OSBPL1A: variants seen among roughly 807,000 people sequenced by gnomAD.
The protein encoded by OSBPL1A is oxysterol binding protein like 1A.
In OSBPL1A, 80 loss-of-function variants were observed where a neutral mutation model predicts 137.1. That is an observed-to-expected ratio of 0.58 (90% CI 0.49 to 0.70). The LOEUF is 0.70. Ranked by LOEUF, OSBPL1A falls within the 30% of genes least tolerant of loss-of-function variation. The pLI, the probability that OSBPL1A is intolerant of heterozygous loss-of-function variation, is 0.00. For synonymous variants in OSBPL1A, 365 were observed against 389.7 expected, an observed-to-expected ratio of 0.94 and a Z score of 0.75; for missense variants, 970 against 1,129.4, an observed-to-expected ratio of 0.86 and a Z score of 2.02.
chr18:24,334,203 A>C, intron 6 of OSBPL1A, 42 bp downstream of exon 6: 1 of 1,544,180 alleles, frequency 6.5e-7, no homozygotes, highest in Non-Finnish European at 8.8e-7. Flanking sequence ...AGTGTAAAGA[A>C]AGACTGCTTT....
Position 24,348,075 on chromosome 18 carries a change from G to A in OSBPL1A, c.283-6417C>T, listed in dbSNP as rs187108417. Among the ~76,000 whole-genome samples the A allele has an allele frequency of 3.3e-5, 5 of 152,078 alleles. 1 individual carries two copies. Among genetic ancestry groups the A allele is most frequent in the Admixed American group, 3.3e-4 (5 of 15,248 alleles). ...GCTACCAAAAGATGGTTACCTGAAAGGGTAAGTTTGAATCCAATGCCCATA... is the reference window on the plus strand; with the variant it reads ...GCTACCAAAAGATGGTTACCTGAAAAGGTAAGTTTGAATCCAATGCCCATA... On this transcript the variant is annotated intron_variant, in intron 4 of 27. Coordinates refer to ENST00000319481, the MANE Select transcript of OSBPL1A (RefSeq NM_080597.4).
At chr18:24,258,220 G>C (rs1339632186) in intron 15 of OSBPL1A, among the ~76,000 whole-genome samples, 10 of 152,092 alleles carry the variant, frequency 6.6e-5, no homozygotes, top group Admixed American at 6.5e-4. Context: ...AGCAACCTAC[G>C]TGTCCATCAA....
intron 6 of OSBPL1A, 74 bp from the exon 7 acceptor site, chr18:24,333,160 G>GT: frequency 6.6e-7 from 1 of 1,515,966 alleles, no homozygotes; most frequent in South Asian, 1.2e-5. Flanking sequence ...ACAGGAGGGT[G>GT]TATCAGCAGA....
At chr18:24,239,462 G>A in intron 15 of OSBPL1A, 80 bp from the exon 16 acceptor site, 1 of 1,327,862 alleles carries the variant, frequency 7.5e-7, no homozygotes, top group South Asian at 1.3e-5. Context: ...AAAATTAATT[G>A]CTTTTGATCC....
At chr18:24,373,930 T>C (rs1477000347) in intron 2 of OSBPL1A, among the ~76,000 whole-genome samples, 2 of 151,972 alleles carry the variant, frequency 1.3e-5, no homozygotes, top group Non-Finnish European at 2.9e-5. Flanking sequence ...GAGGTGAAAA[T>C]TGAAAAAAAT....
intron 15 of OSBPL1A, among the ~76,000 whole-genome samples, chr18:24,239,727 CA>C (rs979637194): frequency 9.9e-5 from 15 of 151,920 alleles, no homozygotes; most frequent in African/African-American, 3.6e-4. Flanking sequence ...ATTAAGTACA[CA>C]GTTAAAAAAA....
At chr18:24,236,707 A>C (rs1244364460) in intron 16 of OSBPL1A, among the ~76,000 whole-genome samples, 1 of 152,182 alleles carries the variant, frequency 6.6e-6, no homozygotes, top group Non-Finnish European at 1.5e-5. Context: ...TGATGAGCCT[A>C]GGCGTTTGGA....
intron 21 of OSBPL1A, 143 bp from the exon 22 acceptor site, chr18:24,172,626 G>T (rs2086318364): frequency 5.5e-6 from 3 of 544,904 alleles, no homozygotes; most frequent in South Asian, 3.1e-5. Context: ...AAATTCTATT[G>T]ATGTTAACTC....
intron 17 of OSBPL1A, among the ~76,000 whole-genome samples, chr18:24,206,046 G>A (rs150824418): frequency 2.4e-4 from 37 of 152,116 alleles, no homozygotes; most frequent in Non-Finnish European, 2.6e-4. Flanking sequence ...ATGTGCCACC[G>A]TGCCCGGCTA....
chr18:24,269,189 T>C (rs1205646588), intron 15 of OSBPL1A, among the ~76,000 whole-genome samples: 1 of 152,226 alleles, frequency 6.6e-6, no homozygotes, highest in Non-Finnish European at 1.5e-5. Flanking sequence ...TGTGCTCCTC[T>C]CTAATCCTTC....
chr18:24,263,098 T>C lies in OSBPL1A; in HGVS notation c.1281+17744A>G, dbSNP rs891851029. Among the ~76,000 whole-genome samples, 7 of 152,292 alleles carry C rather than the reference T, an allele frequency of 4.6e-5. No homozygotes were observed. The South Asian group carries it at 8.3e-4, about 18-fold the overall frequency. On this transcript the variant is annotated intron_variant, in intron 15 of 27. Coordinates refer to ENST00000319481, the MANE Select transcript of OSBPL1A (RefSeq NM_080597.4). The stretch of plus-strand genomic sequence containing the variant: ...AACATTGTTAGGCCCAGAAGGACAA[T>C]CACTTTGCTTTTTTAGAATTTTGAT...
chr18:24,300,520 T>A (rs560289507), intron 14 of OSBPL1A, among the ~76,000 whole-genome samples: 2 of 152,330 alleles, frequency 1.3e-5, no homozygotes, highest in East Asian at 3.9e-4. Context: ...AGGCTTCTGA[T>A]TCAACTACCC....
chr18:24,208,870 C>T (rs1330580499), intron 17 of OSBPL1A, among the ~76,000 whole-genome samples: 2 of 152,304 alleles, frequency 1.3e-5, no homozygotes, highest in African/African-American at 2.4e-5. Flanking sequence ...TGTTGCATCA[C>T]TGAATTTCTG....
intron 15 of OSBPL1A, among the ~76,000 whole-genome samples, chr18:24,255,426 T>C (rs747595252): frequency 2.0e-5 from 3 of 152,194 alleles, no homozygotes; most frequent in Non-Finnish European, 4.4e-5. Flanking sequence ...TGGGAACTGC[T>C]TAGGGCCAGC....
Position 24,271,675 on chromosome 18 carries a change from A to G in OSBPL1A, c.1281+9167T>C, listed in dbSNP as rs1467977475. 4 of 985,666 alleles carry G rather than the reference A, an allele frequency of 4.1e-6. No individual in the cohort carries two copies. The African/African-American group carries it at 7.0e-5, about 17-fold the overall frequency. The allele number at this position is 985,666 out of a possible 1,614,324, so 61.1% of individuals were successfully genotyped here. ...CGCGCTCCACCCTGCGCTCCTCGCA[A>G]GCTCCAGCGCGAATGCGCTCGGCCT... On this transcript the variant is annotated intron_variant, in intron 15 of 27. Coordinates refer to ENST00000319481, the MANE Select transcript of OSBPL1A (RefSeq NM_080597.4). This position sits in a 1 kb window ranked among gnomAD's most constrained non-coding sequence, Gnocchi z 4.0.
At chr18:24,252,412 G>A (rs2089123064) in intron 15 of OSBPL1A, among the ~76,000 whole-genome samples, 1 of 151,994 alleles carries the variant, frequency 6.6e-6, no homozygotes, top group Admixed American at 6.6e-5. Flanking sequence ...AGAAGAGAGT[G>A]GTGTGATATA....
At chr18:24,228,124 C>T (rs1209425025) in intron 16 of OSBPL1A, among the ~76,000 whole-genome samples, 1 of 152,146 alleles carries the variant, frequency 6.6e-6, no homozygotes, top group African/African-American at 2.4e-5. Context: ...ATCAGTCACA[C>T]TGAGAACCCC....
chr18:24,291,092 A>G (rs2090167437), intron 14 of OSBPL1A, among the ~76,000 whole-genome samples: 1 of 152,162 alleles, frequency 6.6e-6, no homozygotes, highest in Non-Finnish European at 1.5e-5. Context: ...AAACACAACA[A>G]ACAAAAAAAC....
rs567679964 is a variant in OSBPL1A, at chr18:24,310,702, C to G, written c.1092+1282G>C. 1.2e-4 allele frequency among the ~76,000 whole-genome samples: 18 copies of G among 146,582 alleles called. No individual in the cohort carries two copies. The South Asian group carries it at 3.9e-3, about 31-fold the overall frequency. On this transcript the variant is annotated intron_variant, in intron 13 of 27. Coordinates refer to ENST00000319481, the MANE Select transcript of OSBPL1A (RefSeq NM_080597.4). ...TTTACCTGTAACTTCCATTTAAAAA[C>G]TTTTAAAATTATCATAATCCTAGGA...
Sources: gnomAD v4.1 joint callset for allele counts (sites outside exome capture counted in the v4.1 genomes callset) on GRCh38, gnomAD v4.1.1 for gene constraint, Gnocchi (gnomAD v3.1) non-coding constraint, MANE v1.5 for transcripts, NCBI Gene and HGNC (gene_info 2026-07-23, HGNC 2026-07-21) for gene names.